Variants in SV2C observed in about 807,000 individuals in gnomAD.
The protein encoded by SV2C is synaptic vesicle glycoprotein 2C, also known as solute carrier family 22 member B3.
SV2C carries 49 observed loss-of-function variants against 79.7 expected under a neutral mutation model. That is an observed-to-expected ratio of 0.61 (90% confidence interval 0.49 to 0.78). The LOEUF is 0.78. Among genes scored for constraint, SV2C ranks in the 30% least tolerant of loss-of-function variants. The probability of loss-of-function intolerance (pLI) is 0.00; values close to 1 mark genes in which losing one functional copy is unlikely to be tolerated. For missense variants in SV2C, 833 were observed against 912.9 expected, an observed-to-expected ratio of 0.91 and a Z score of 1.13; for synonymous variants, 334 against 333.2, an observed-to-expected ratio of 1.00 and a Z score of -0.03.
chr5:75,867,864 G>T, the SV2C span, among the ~76,000 whole-genome samples: 13 of 152,304 alleles, frequency 8.5e-5, no homozygotes, highest in Non-Finnish European at 1.6e-4. Context: ...CATTTATTCA[G>T]AAAATTTTAG....
At chr5:76,221,275 T>C (rs1349597386) in intron 4 of SV2C, among the ~76,000 whole-genome samples, 1 of 152,186 alleles carries the variant, frequency 6.6e-6, no homozygotes, top group African/African-American at 2.4e-5. Flanking sequence ...AAAGGAATCC[T>C]TCCTTAGATG....
the SV2C span, among the ~76,000 whole-genome samples, chr5:75,901,514 T>G: frequency 6.6e-6 from 1 of 152,100 alleles, no homozygotes; most frequent in Non-Finnish European, 1.5e-5. Flanking sequence ...TGCCTCCCCA[T>G]TAGGCTGCTC....
chr5:76,247,708 T>G (rs1197942394), intron 4 of SV2C, among the ~76,000 whole-genome samples: 1 of 152,222 alleles, frequency 6.6e-6, no homozygotes, highest in Non-Finnish European at 1.5e-5. Flanking sequence ...TGCACTTGAA[T>G]TTTGAATTTA....
At chr5:75,935,897 C>T in the SV2C span, among the ~76,000 whole-genome samples, 1 of 152,080 alleles carries the variant, frequency 6.6e-6, no homozygotes, top group Non-Finnish European at 1.5e-5. Context: ...ACATAAGTTA[C>T]TGTTGTAATT....
At chr5:76,249,407 T>G (rs1746045078) in intron 4 of SV2C, among the ~76,000 whole-genome samples, 1 of 152,180 alleles carries the variant, frequency 6.6e-6, no homozygotes, top group East Asian at 1.9e-4. Context: ...GTCACAAAGT[T>G]TAAAAAAAGA....
chr5:76,347,280 C>T (rs1034080198), intron 12 of SV2C, among the ~76,000 whole-genome samples: 1 of 152,172 alleles, frequency 6.6e-6, no homozygotes, highest in African/African-American at 2.4e-5. Flanking sequence ...GGTGAAGCAG[C>T]TCCCTTTGCC....
At chr5:76,092,496 A>G (rs938948803) in intron 1 of SV2C, among the ~76,000 whole-genome samples, 2 of 152,202 alleles carry the variant, frequency 1.3e-5, no homozygotes, top group African/African-American at 4.8e-5. Context: ...ATGGCTATAA[A>G]CACTCAATAC....
chr5:76,269,588 A>G (rs1288383238), intron 4 of SV2C, among the ~76,000 whole-genome samples: 2 of 152,152 alleles, frequency 1.3e-5, no homozygotes, highest in Non-Finnish European at 2.9e-5. Context: ...GTAGTCTGCA[A>G]TTGGTACTCG....
chr5:76,234,302 A>G (rs952352355), intron 4 of SV2C, among the ~76,000 whole-genome samples: 2 of 152,212 alleles, frequency 1.3e-5, no homozygotes, highest in Non-Finnish European at 2.9e-5. Flanking sequence ...TAGGGTCACT[A>G]TTATATCAGT....
chr5:76,350,273 T>C (rs1749622088), intron 12 of SV2C, among the ~76,000 whole-genome samples: 1 of 152,150 alleles, frequency 6.6e-6, no homozygotes, highest in African/African-American at 2.4e-5. Context: ...GACTTACCTA[T>C]CTTCTATCCC....
At chr5:76,050,507 A>C in the SV2C span, among the ~76,000 whole-genome samples, 1 of 152,220 alleles carries the variant, frequency 6.6e-6, no homozygotes, top group African/African-American at 2.4e-5. Context: ...GAATGTTGGA[A>C]TATGCATGGA....
intron 1 of SV2C, among the ~76,000 whole-genome samples, chr5:76,117,271 A>G (rs918364284): frequency 5.9e-5 from 9 of 152,206 alleles, no homozygotes; most frequent in African/African-American, 2.2e-4. Flanking sequence ...GTTTAAATGT[A>G]TATTTTCTAT....
chr5:76,120,013 T>G (rs10060618), intron 1 of SV2C, among the ~76,000 whole-genome samples: 37,732 of 152,082 alleles, frequency 0.25, 5,135 homozygotes, highest in East Asian at 0.49. Context: ...GGTTTTTGAA[T>G]GTTTTCATGA....
intron 2 of SV2C, among the ~76,000 whole-genome samples, chr5:76,140,804 T>C (rs1384316344): frequency 6.6e-6 from 1 of 152,206 alleles, no homozygotes; most frequent in Non-Finnish European, 1.5e-5. Context: ...AGCAGCTCTA[T>C]ACCCTGCTTG....
At chr5:75,933,063 G>C in the SV2C span, among the ~76,000 whole-genome samples, 86,847 of 151,892 alleles carry the variant, frequency 0.57, 25,791 homozygotes, top group African/African-American at 0.74. Context: ...TCCTACCTCA[G>C]GGTCTATGCA....
chr5:76,336,043 G>A (rs1486181377), downstream of SV2C, among the ~76,000 whole-genome samples: 1 of 140,590 alleles, frequency 7.1e-6, no homozygotes, highest in Admixed American at 7.0e-5. Context: ...GGCTAGCCGG[G>A]CGGGGGGCTG....
At chr5:76,011,123 CAGAA>C in the SV2C span, among the ~76,000 whole-genome samples, 1 of 152,076 alleles carries the variant, frequency 6.6e-6, no homozygotes, top group Non-Finnish European at 1.5e-5. Context: ...AAAAAGAAGA[CAGAA>C]AGATACTGAC....
rs1422532597 is a variant in SV2C, at chr5:76,171,100, G to C, written c.581-23819G>C. On this transcript the variant is annotated intron_variant, in intron 2 of 12. Transcript: ENST00000502798. ...CGGGCCCCGCGGGGCCCGAGGGCAA[G>C]GAGCAGCCGCCTGCCTTGGCCTCCC... 5.7e-5 allele frequency: 5 copies of C among 87,044 alleles called. No homozygotes were observed. In the East Asian group the frequency reaches 1.6e-3, roughly 28 times the overall value. 5.4% of individuals were successfully genotyped at this position (87,044 alleles called of 1,614,324 possible). A position where few individuals can be genotyped will look rare whatever the true frequency, so the allele number is the denominator to read the frequency against.
intron 2 of SV2C, among the ~76,000 whole-genome samples, chr5:76,148,444 T>C (rs1561237180): frequency 6.6e-6 from 1 of 152,204 alleles, no homozygotes; most frequent in Non-Finnish European, 1.5e-5. Flanking sequence ...TCCTCTGGGC[T>C]TCCTTTTTCT....
Sources: gnomAD v4.1 joint callset for allele counts (sites outside exome capture counted in the v4.1 genomes callset) on GRCh38, gnomAD v4.1.1 for gene constraint, MANE v1.5 for transcripts, NCBI Gene and HGNC (gene_info 2026-07-23, HGNC 2026-07-21) for gene names.